Variants in ANKRD30BL observed in about 807,000 individuals in gnomAD.
ANKRD30BL encodes the protein ankyrin repeat domain 30B like.
Under a neutral mutation model 18.4 loss-of-function variants are expected in ANKRD30BL, and 20 were observed. That is an observed-to-expected ratio of 1.09 (90% CI 0.77 to 1.58). The LOEUF (loss-of-function observed/expected upper bound fraction) is 1.58, where lower values mean the gene tolerates loss of function less well. ANKRD30BL is among the 40% of genes most tolerant of loss of function. The probability of loss-of-function intolerance (pLI) is 0.00; values close to 1 mark genes in which losing one functional copy is unlikely to be tolerated. For missense variants in ANKRD30BL, 224 were observed against 268.6 expected (o/e 0.83, Z 1.16); for synonymous variants, 72 against 100.9 (o/e 0.71, Z 1.72).
intron 1 of ANKRD30BL, among the ~76,000 whole-genome samples, chr2:132,225,132 C>T (rs1288367537): frequency 5.3e-5 from 8 of 151,684 alleles, no homozygotes; most frequent in Non-Finnish European, 1.0e-4. Context: ...TTGAGGCCTT[C>T]GTTGGAAACG....
intron 1 of ANKRD30BL, among the ~76,000 whole-genome samples, chr2:132,160,036 T>A (rs1688012818): frequency 6.6e-6 from 1 of 152,170 alleles, no homozygotes; most frequent in African/African-American, 2.4e-5. Context: ...GATATTTGGG[T>A]GTTTCTGGAT....
intron 1 of ANKRD30BL, among the ~76,000 whole-genome samples, chr2:132,201,121 T>G (rs1184348675): frequency 6.6e-6 from 1 of 152,120 alleles, no homozygotes; most frequent in Non-Finnish European, 1.5e-5. Flanking sequence ...GATCCCTTCC[T>G]TACACCTTAT....
intron 1 of ANKRD30BL, among the ~76,000 whole-genome samples, chr2:132,237,624 A>T (rs1680193502): frequency 6.6e-6 from 1 of 152,058 alleles, no homozygotes; most frequent in South Asian, 2.1e-4. Context: ...GTCTTCACAT[A>T]AAAACTAGAC....
At position 132,158,753 on chromosome 2, in the gene ANKRD30BL, T is replaced by G. The variant is rs1687977580; in HGVS notation, c.219-1330A>C. ...TATTTTATTTTCTTAATAATAAAACTACACTAATTAATCTATAATTATTGA... is the reference window on the plus strand; with the variant it reads ...TATTTTATTTTCTTAATAATAAAACGACACTAATTAATCTATAATTATTGA... On this transcript the variant is annotated intron_variant, in intron 1 of 5. Coordinates refer to ENST00000409867, the MANE Select transcript of ANKRD30BL (RefSeq NM_001358416.1). 2.0e-5 allele frequency among the ~76,000 whole-genome samples: 3 copies of G among 150,448 alleles called. No homozygotes were observed. The South Asian group carries it at 6.2e-4, about 31-fold the overall frequency.
At chr2:132,196,283 A>C (rs1678968635) in intron 1 of ANKRD30BL, among the ~76,000 whole-genome samples, 1 of 152,156 alleles carries the variant, frequency 6.6e-6, no homozygotes, top group Admixed American at 6.5e-5. Flanking sequence ...CTTCTAGACC[A>C]ACCTGGCCAA....
intron 1 of ANKRD30BL, among the ~76,000 whole-genome samples, chr2:132,171,094 G>T (rs1688271976): frequency 6.6e-6 from 1 of 150,734 alleles, no homozygotes; most frequent in African/African-American, 2.5e-5. Context: ...GGCGGAGCCT[G>T]CAGTGAGCCG....
upstream of ANKRD30BL, among the ~76,000 whole-genome samples, chr2:132,162,107 C>T (rs1688090498): frequency 6.6e-6 from 1 of 152,068 alleles, no homozygotes; most frequent in South Asian, 2.1e-4. Context: ...TGGGGGGCTC[C>T]CTGCCACATG....
At chr2:132,176,124 T>G (rs1224094110) in intron 1 of ANKRD30BL, among the ~76,000 whole-genome samples, 1 of 152,232 alleles carries the variant, frequency 6.6e-6, no homozygotes, top group East Asian at 1.9e-4. Flanking sequence ...CTAGGCATAG[T>G]GGCTCATGTC....
At chr2:132,190,182 AT>A (rs1678815461) in intron 1 of ANKRD30BL, among the ~76,000 whole-genome samples, 1 of 152,196 alleles carries the variant, frequency 6.6e-6, no homozygotes, top group South Asian at 2.1e-4. Context: ...ATAAAATTTG[AT>A]TTGAATGATA....
chr2:132,221,095 CG>C (rs1407592710), intron 1 of ANKRD30BL, among the ~76,000 whole-genome samples: 1 of 147,122 alleles, frequency 6.8e-6, no homozygotes, highest in Non-Finnish European at 1.5e-5. Context: ...GCAACCGCCC[CG>C]TCTGAGAAGT....
chr2:132,160,675 A>G (rs1270752218), intron 1 of ANKRD30BL, among the ~76,000 whole-genome samples: 1 of 144,658 alleles, frequency 6.9e-6, no homozygotes, highest in African/African-American at 2.6e-5. Context: ...TGATCCACCC[A>G]CCTCGGCCTC....
intron 1 of ANKRD30BL, among the ~76,000 whole-genome samples, chr2:132,214,074 G>A (rs1376036919): frequency 1.3e-5 from 2 of 151,904 alleles, no homozygotes; most frequent in Admixed American, 6.6e-5. Flanking sequence ...TCTTTTGATT[G>A]AGCAGCTTTG....
At chr2:132,170,886 G>T (rs1688266048) in intron 1 of ANKRD30BL, among the ~76,000 whole-genome samples, 1 of 152,172 alleles carries the variant, frequency 6.6e-6, no homozygotes, top group Non-Finnish European at 1.5e-5. Context: ...GGCCGAGCCG[G>T]TGGCTCACGC....
intron 1 of ANKRD30BL, among the ~76,000 whole-genome samples, chr2:132,158,221 AAAAC>A (rs1687964114): frequency 6.6e-6 from 1 of 152,106 alleles, no homozygotes; most frequent in Non-Finnish European, 1.5e-5. Context: ...AGTTGAAATA[AAAAC>A]AAACTGTTAA....
chr2:132,234,437 T>A (rs1300447913), intron 1 of ANKRD30BL, among the ~76,000 whole-genome samples: 1 of 151,806 alleles, frequency 6.6e-6, no homozygotes. Flanking sequence ...GATAGACAGC[T>A]AGCAAGACTA....
intron 1 of ANKRD30BL, among the ~76,000 whole-genome samples, chr2:132,202,722 T>C (rs890868596): frequency 1.1e-4 from 17 of 152,244 alleles, no homozygotes; most frequent in Admixed American, 3.3e-4. Flanking sequence ...TTTATATATA[T>C]ATTTGCGTAC....
At position 132,240,157 on chromosome 2, in the gene ANKRD30BL, A is replaced by G. The variant is rs1234035363; in HGVS notation, n.441+17372T>C. 6.6e-5 allele frequency among the ~76,000 whole-genome samples: 10 copies of G among 151,974 alleles called. 1 individual carries two copies. The highest frequency in any genetic ancestry group is 6.2e-4 in the South Asian group (3 of 4,824). ...GGTGAAAAAGGTAATATCTTCACATAAAAACTAGATAGAAGCATTCTCAGA... is the reference window on the plus strand; with the variant it reads ...GGTGAAAAAGGTAATATCTTCACATGAAAACTAGATAGAAGCATTCTCAGA... On this transcript the variant is annotated intron_variant and non_coding_transcript_variant, in intron 1 of 4. Transcript: ENST00000470729.
intron 5 of ANKRD30BL, among the ~76,000 whole-genome samples, chr2:132,150,197 A>G (rs978831832): frequency 1.3e-5 from 2 of 151,406 alleles, no homozygotes; most frequent in African/African-American, 4.9e-5. Flanking sequence ...CAGCCTGGGC[A>G]ACATAAGGAG....
chr2:132,176,184 A>G (rs1688364925), intron 1 of ANKRD30BL, among the ~76,000 whole-genome samples: 1 of 152,154 alleles, frequency 6.6e-6, no homozygotes, highest in Admixed American at 6.6e-5. Flanking sequence ...ACTTGAGGTC[A>G]GGAGTTCAAG....
Sources: allele counts gnomAD v4.1 joint callset (sites outside exome capture counted in the v4.1 genomes callset), GRCh38; gene constraint gnomAD v4.1.1; transcripts MANE v1.5; gene names NCBI Gene and HGNC (gene_info 2026-07-23, HGNC 2026-07-21).